Variants in RPS6KA2 observed in about 807,000 individuals in gnomAD.
RPS6KA2 encodes the protein ribosomal protein S6 kinase alpha-2.
Under a neutral mutation model 91.8 loss-of-function variants are expected in RPS6KA2, and 42 were observed. The ratio of observed to expected loss-of-function variants is 0.46; its 90% CI spans 0.36 to 0.59. RPS6KA2 has a LOEUF of 0.59. RPS6KA2 is among the 20% of genes least tolerant of loss of function. The probability of loss-of-function intolerance (pLI) is 0.00; values close to 1 mark genes in which losing one functional copy is unlikely to be tolerated. For synonymous variants in RPS6KA2, 414 were observed against 393.6 expected (o/e 1.05, Z -0.61); for missense variants, 798 against 978.5 (o/e 0.82, Z 2.46).
At chr6:166,589,876 G>A (rs1785301402) in intron 1 of RPS6KA2, among the ~76,000 whole-genome samples, 1 of 152,186 alleles carries the variant, frequency 6.6e-6, no homozygotes, top group Non-Finnish European at 1.5e-5. Flanking sequence ...AGAATGGAGA[G>A]AGACTTGGGA....
Position 166,757,704 on chromosome 6 carries a change from G to A in RPS6KA2, c.123+100496C>T, listed in dbSNP as rs571936270. On this transcript the variant is annotated intron_variant, in intron 2 of 21. Transcript: ENST00000503859. ...GTCCTCGTCACCAGGCAGCCACCCC[G>A]CACACCTCCTCTTCCCTCCCCTCAC... The A allele has an allele frequency of 1.0e-4, 42 of 421,688 alleles. No homozygotes were observed. The Middle Eastern group carries it at 3.3e-3, about 33-fold the overall frequency. 26.1% of individuals were successfully genotyped at this position (421,688 alleles called of 1,614,324 possible). A position where few individuals can be genotyped will look rare whatever the true frequency, so the allele number is the denominator to read the frequency against.
chr6:166,478,933 A>G (rs1781083845), intron 10 of RPS6KA2, among the ~76,000 whole-genome samples: 1 of 152,196 alleles, frequency 6.6e-6, no homozygotes, highest in African/African-American at 2.4e-5. Flanking sequence ...AGGTGAAGCC[A>G]TCCGCTCAGG....
chr6:166,469,551 G>A (rs1780678239), intron 11 of RPS6KA2, among the ~76,000 whole-genome samples: 1 of 152,176 alleles, frequency 6.6e-6, no homozygotes, highest in Non-Finnish European at 1.5e-5. Flanking sequence ...AGTGGGTGCA[G>A]GGAGGACAGA....
chr6:166,587,633 G>GAAA (rs11432330), intron 1 of RPS6KA2, among the ~76,000 whole-genome samples: 2 of 146,000 alleles, frequency 1.4e-5, no homozygotes, highest in African/African-American at 5.0e-5. Flanking sequence ...TCTGCCATTG[G>GAAA]AAAAAAAAAA....
At chr6:166,570,040 C>G (rs1047564450) in intron 1 of RPS6KA2, among the ~76,000 whole-genome samples, 3 of 152,188 alleles carry the variant, frequency 2.0e-5, no homozygotes, top group African/African-American at 7.2e-5. Flanking sequence ...ACAATTATCA[C>G]TTGAAAGAAA....
intron 1 of RPS6KA2, among the ~76,000 whole-genome samples, chr6:166,858,478 G>T (rs1405148360): frequency 6.6e-6 from 1 of 152,202 alleles, no homozygotes; most frequent in African/African-American, 2.4e-5. Context: ...TGGTAAGTAA[G>T]GCAAGGAGTG....
At chr6:166,790,667 G>A (rs928820143) in intron 2 of RPS6KA2, among the ~76,000 whole-genome samples, 24 of 152,278 alleles carry the variant, frequency 1.6e-4, no homozygotes, top group South Asian at 6.2e-4. Flanking sequence ...CGGATCTCTC[G>A]GCAGAAACTC....
In RPS6KA2 at chr6:166,533,132, CAG is replaced by C. The variant is rs1783350319; in HGVS notation, c.217-1821_217-1820del. On this transcript the variant is annotated intron_variant, in intron 2 of 20. Coordinates refer to ENST00000265678, the MANE Select transcript of RPS6KA2 (RefSeq NM_021135.6). The surrounding 1 kb of genome is among the most constrained non-coding windows in gnomAD (Gnocchi z 4.0). ...CAGTGGTCTGAGGACAGGATTTTTACAGAGAGAAAAACATTAGTGCTTAACTC... is the reference window on the plus strand; with the variant it reads ...CAGTGGTCTGAGGACAGGATTTTTACAGAGAAAAACATTAGTGCTTAACTC... Among the ~76,000 whole-genome samples, 1 of 152,222 alleles carries C rather than the reference CAG, an allele frequency of 6.6e-6. No individual in the cohort carries two copies. The highest frequency in any genetic ancestry group is 2.1e-4 in the South Asian group (1 of 4,830).
chr6:166,489,561 C>T (rs576193732), intron 9 of RPS6KA2, among the ~76,000 whole-genome samples: 2 of 152,334 alleles, frequency 1.3e-5, no homozygotes, highest in South Asian at 2.1e-4. Flanking sequence ...ACACCCGTGA[C>T]TTGCTGTCAG....
At chr6:166,457,276 T>C (rs1780135037) in intron 12 of RPS6KA2, among the ~76,000 whole-genome samples, 1 of 152,218 alleles carries the variant, frequency 6.6e-6, no homozygotes, top group Non-Finnish European at 1.5e-5. Flanking sequence ...CATGACTTGC[T>C]TGGGTGACCT....
chr6:166,441,671 G>A (rs116042326), intron 14 of RPS6KA2, among the ~76,000 whole-genome samples: 1,881 of 152,342 alleles, frequency 0.012, 40 homozygotes, highest in African/African-American at 0.043. Flanking sequence ...TCACTGCAGC[G>A]CCCAGCGTTA....
At position 166,563,568 on chromosome 6, in the gene RPS6KA2, C is replaced by T. The variant is rs1402065676; in HGVS notation, c.100-24784G>A. 6.6e-6 allele frequency among the ~76,000 whole-genome samples: 1 copy of T among 152,080 alleles called. No individual in the cohort carries two copies. The highest frequency in any genetic ancestry group is 1.5e-5 in the Non-Finnish European group (1 of 68,008). On this transcript the variant is annotated intron_variant, in intron 1 of 20. Coordinates refer to ENST00000265678, the MANE Select transcript of RPS6KA2 (RefSeq NM_021135.6). This position sits in a 1 kb window ranked among gnomAD's most constrained non-coding sequence, Gnocchi z 4.1. ...CGGCTGACCAGTCACCAGACTCACC[C>T]CCACCCGCCCTCTCCCCTCCACACA...
chr6:166,862,501 A>C, exon 1 of RPS6KA2: 1 of 582,040 alleles, frequency 1.7e-6, no homozygotes, highest in South Asian at 2.4e-5. Context: ...CGGCTTCGGA[A>C]TCTGTACTGC....
Position 166,666,680 on chromosome 6 carries a change from G to A in RPS6KA2, c.124-127896C>T, listed in dbSNP as rs139581278. 7.9e-5 allele frequency among the ~76,000 whole-genome samples: 12 copies of A among 152,306 alleles called. No individual in the cohort carries two copies. The East Asian group carries it at 1.3e-3, about 17-fold the overall frequency. On this transcript the variant is annotated intron_variant, in intron 2 of 21. Coordinates refer to the RPS6KA2 transcript ENST00000503859. This position sits in a 1 kb window ranked among gnomAD's most constrained non-coding sequence, Gnocchi z 4.0. The stretch of plus-strand genomic sequence containing the variant: ...TTTACTGTTGGTGGAAATGTAAAAC[G>A]GTGCAGGAGCTCTGGAAAACAGTAT...
At chr6:166,570,339 C>G (rs1784650570) in intron 1 of RPS6KA2, among the ~76,000 whole-genome samples, 1 of 152,236 alleles carries the variant, frequency 6.6e-6, no homozygotes, top group Non-Finnish European at 1.5e-5. Context: ...CCTGGCTCCC[C>G]TTCCACTGTC....
intron 2 of RPS6KA2, among the ~76,000 whole-genome samples, chr6:166,789,026 CA>C: frequency 2.0e-5 from 3 of 152,110 alleles, no homozygotes; most frequent in African/African-American, 7.2e-5. Context: ...ACAGCGGGTG[CA>C]GCATACCGTG....
At chr6:166,731,904 C>T (rs1012622858) in intron 2 of RPS6KA2, among the ~76,000 whole-genome samples, 2 of 152,058 alleles carry the variant, frequency 1.3e-5, no homozygotes, top group African/African-American at 4.8e-5. Flanking sequence ...AGCAAAGCTC[C>T]TGAATAAAAC....
intron 2 of RPS6KA2, among the ~76,000 whole-genome samples, chr6:166,705,886 G>C (rs188572139): frequency 1.9e-4 from 29 of 152,276 alleles, no homozygotes; most frequent in Admixed American, 1.8e-3. Context: ...TATTTGGAGG[G>C]GGGTCTGGGA....
intron 3 of RPS6KA2, among the ~76,000 whole-genome samples, chr6:166,510,564 T>TAC (rs1782435751): frequency 1.4e-4 from 2 of 14,766 alleles, no homozygotes; most frequent in Non-Finnish European, 3.0e-4. Flanking sequence ...CATATATATA[T>TAC]ATATATATAT....
Sources: allele counts gnomAD v4.1 joint callset (sites outside exome capture counted in the v4.1 genomes callset), GRCh38; gene constraint gnomAD v4.1.1; non-coding constraint Gnocchi (gnomAD v3.1); transcripts MANE v1.5; gene names NCBI Gene and HGNC (gene_info 2026-07-23, HGNC 2026-07-21).